Variants in CTNNA2 observed in about 807,000 individuals in gnomAD.
CTNNA2 encodes the protein catenin alpha-2.
Under a neutral mutation model 101.0 loss-of-function variants are expected in CTNNA2, and 42 were observed. The observed-to-expected ratio is 0.42, with a 90% CI of 0.32 to 0.54. The LOEUF (loss-of-function observed/expected upper bound fraction) is 0.54, where lower values mean the gene tolerates loss of function less well. Among genes scored for constraint, CTNNA2 ranks in the 20% least tolerant of loss-of-function variants. The pLI, the probability that CTNNA2 is intolerant of heterozygous loss-of-function variation, is 0.14. For missense variants in CTNNA2, 871 were observed against 1,223.1 expected (o/e 0.71, Z 4.29); for synonymous variants, 450 against 456.4 (o/e 0.99, Z 0.18).
chr2:80,646,950 T>TTTCTCATAATAGTA (rs1464780604), intron 18 of CTNNA2, among the ~76,000 whole-genome samples: 1 of 152,102 alleles, frequency 6.6e-6, no homozygotes, highest in Non-Finnish European at 1.5e-5. Flanking sequence ...AAAATACAAA[T>TTTCTCATAATAGTA]TTCTCATAAT....
intron 3 of CTNNA2, among the ~76,000 whole-genome samples, chr2:79,828,382 C>T (rs538443570): frequency 2.0e-5 from 3 of 152,192 alleles, no homozygotes; most frequent in African/African-American, 4.8e-5. Flanking sequence ...CGCAAAATAA[C>T]GCAAATACAA....
Position 79,851,997 on chromosome 2 carries a change from C to T in CTNNA2, c.299-6016C>T, listed in dbSNP as rs1348675630. 2.0e-5 allele frequency among the ~76,000 whole-genome samples: 3 copies of T among 152,008 alleles called. 1 individual carries two copies. Among genetic ancestry groups the T allele is most frequent in the Middle Eastern group, 6.3e-3 (2 of 316 alleles). ...AAATGATCTGCCCGCCTCAGCCTCT[C>T]GAAGTGCTGGGATTACAGGTGTGAG... On this transcript the variant is annotated intron_variant, in intron 3 of 18. Transcript: ENST00000402739.
intron 7 of CTNNA2, chr2:80,289,297 C>T (rs960830708): frequency 1.3e-5 from 2 of 152,220 alleles, no homozygotes; most frequent in African/African-American, 4.8e-5. Flanking sequence ...TTGTAACTTC[C>T]CTCTTAACAT....
chr2:80,431,030 T>C (rs1009095260), intron 9 of CTNNA2, among the ~76,000 whole-genome samples: 2 of 152,078 alleles, frequency 1.3e-5, no homozygotes, highest in African/African-American at 4.8e-5. Context: ...GAGCAAGAAG[T>C]GTTTTAATTG....
chr2:79,713,669 C>T (rs780340890), intron 2 of CTNNA2, among the ~76,000 whole-genome samples: 4 of 152,048 alleles, frequency 2.6e-5, no homozygotes, highest in Non-Finnish European at 5.9e-5. Context: ...TGCACTTGGG[C>T]ACCAATAGAA....
chr2:79,982,029 G>GTTTTGT (rs3066072), intron 7 of CTNNA2, among the ~76,000 whole-genome samples: 29,605 of 147,890 alleles, frequency 0.2, 3,236 homozygotes, highest in South Asian at 0.32. Flanking sequence ...TCATGGTAGT[G>GTTTTGT]TTTTGTTTTT....
chr2:79,635,086 A>G (rs1453671676), intron 1 of CTNNA2, among the ~76,000 whole-genome samples: 9 of 152,156 alleles, frequency 5.9e-5, no homozygotes, highest in Admixed American at 5.9e-4. Context: ...TCTTTCAATA[A>G]TCTAATAAAG....
At chr2:80,195,133 G>C (rs1706752557) in intron 7 of CTNNA2, among the ~76,000 whole-genome samples, 1 of 152,146 alleles carries the variant, frequency 6.6e-6, no homozygotes, top group South Asian at 2.1e-4. Flanking sequence ...TAAAGGAACA[G>C]TTGACTGTTC....
At chr2:79,639,054 C>T (rs1680271184) in intron 1 of CTNNA2, among the ~76,000 whole-genome samples, 1 of 152,132 alleles carries the variant, frequency 6.6e-6, no homozygotes, top group African/African-American at 2.4e-5. Context: ...TAATATGGCT[C>T]CATCAAGGCA....
intron 7 of CTNNA2, among the ~76,000 whole-genome samples, chr2:80,134,234 A>G (rs892164267): frequency 6.6e-6 from 1 of 152,182 alleles, no homozygotes. Flanking sequence ...CTAGAGTAGG[A>G]TAGTGTCTGA....
chr2:80,197,162 G>C (rs1326614352), intron 7 of CTNNA2, among the ~76,000 whole-genome samples: 1 of 152,082 alleles, frequency 6.6e-6, no homozygotes, highest in East Asian at 1.9e-4. Flanking sequence ...ACAATCTGTA[G>C]TCAATTATTT....
chr2:79,721,736 T>C (rs1370192347), intron 2 of CTNNA2, among the ~76,000 whole-genome samples: 1 of 152,226 alleles, frequency 6.6e-6, no homozygotes, highest in Non-Finnish European at 1.5e-5. Flanking sequence ...GCAGCTCTTC[T>C]ACTGAATATG....
intron 18 of CTNNA2, among the ~76,000 whole-genome samples, chr2:80,632,936 G>C (rs553894149): frequency 6.6e-6 from 1 of 152,262 alleles, no homozygotes; most frequent in South Asian, 2.1e-4. Context: ...AACTCAAAGA[G>C]ATTACAGAGT....
At chr2:79,227,919 T>G (rs752169061) in intron 2 of CTNNA2, among the ~76,000 whole-genome samples, 4 of 152,162 alleles carry the variant, frequency 2.6e-5, no homozygotes, top group Non-Finnish European at 5.9e-5. Flanking sequence ...CCCTTTCTAG[T>G]GATCCCTAGT....
chr2:79,570,686 T>C (rs925316490), intron 1 of CTNNA2, among the ~76,000 whole-genome samples: 1 of 152,072 alleles, frequency 6.6e-6, no homozygotes, highest in Non-Finnish European at 1.5e-5. Context: ...TAGCTATAAA[T>C]TTACAAAATG....
intron 7 of CTNNA2, among the ~76,000 whole-genome samples, chr2:80,140,964 C>T (rs1223870100): frequency 6.6e-6 from 1 of 152,152 alleles, no homozygotes; most frequent in Non-Finnish European, 1.5e-5. Flanking sequence ...CCAAATGCTT[C>T]ATGATTCAGT....
chr2:79,322,318 G>A (rs1676645605), intron 3 of CTNNA2, among the ~76,000 whole-genome samples: 7 of 152,144 alleles, frequency 4.6e-5, no homozygotes, highest in Admixed American at 4.6e-4. Flanking sequence ...TCTTGCCATT[G>A]TCTTATGGAG....
At chr2:79,775,512 G>A (rs1231844128) in intron 3 of CTNNA2, among the ~76,000 whole-genome samples, 4 of 152,210 alleles carry the variant, frequency 2.6e-5, no homozygotes, top group East Asian at 1.9e-4. Flanking sequence ...GGAGGTGCAG[G>A]TTTATTACAT....
intron 1 of CTNNA2, among the ~76,000 whole-genome samples, chr2:79,577,172 C>T (rs1396175210): frequency 6.6e-6 from 1 of 152,022 alleles, no homozygotes; most frequent in Non-Finnish European, 1.5e-5. Context: ...TAACTGGACT[C>T]TAAGAAATAT....
Sources: allele counts gnomAD v4.1 joint callset (sites outside exome capture counted in the v4.1 genomes callset), GRCh38; gene constraint gnomAD v4.1.1; transcripts MANE v1.5; gene names NCBI Gene and HGNC (gene_info 2026-07-23, HGNC 2026-07-21).